Variants in OSBPL9 observed in about 807,000 individuals in gnomAD.
OSBPL9 encodes oxysterol binding protein like 9.
Under a neutral mutation model 106.6 loss-of-function variants are expected in OSBPL9, and 40 were observed. The observed-to-expected ratio is 0.38, with a 90% CI of 0.29 to 0.49. The LOEUF (loss-of-function observed/expected upper bound fraction) is 0.49. Ranked by LOEUF, OSBPL9 falls within the 20% of genes least tolerant of loss-of-function variation. OSBPL9 has a pLI of 0.97. For missense variants in OSBPL9, 609 were observed against 887.2 expected (o/e 0.69, Z 3.98); for synonymous variants, 269 against 295.4 (o/e 0.91, Z 0.92).
At chr1:51,644,078 TAAAAA>T (rs968921768) in intron 1 of OSBPL9, among the ~76,000 whole-genome samples, 4 of 43,246 alleles carry the variant, frequency 9.2e-5, no homozygotes, top group African/African-American at 2.0e-4. Context: ...AGACCTTGTC[TAAAAA>T]AAAAAAAAAA....
At chr1:51,583,892 C>A (rs575423186) in intron 1 of OSBPL9, 4 of 152,342 alleles carry the variant, frequency 2.6e-5, no homozygotes, top group East Asian at 3.9e-4. Context: ...ACTCCTACAT[C>A]ATTCAGTCCC....
At chr1:51,579,436 A>G (rs1352764375) in intron 1 of OSBPL9, among the ~76,000 whole-genome samples, 2 of 152,250 alleles carry the variant, frequency 1.3e-5, no homozygotes, top group East Asian at 3.8e-4. Flanking sequence ...GATTAGATCC[A>G]TTAGAAATGC....
chr1:51,662,655 A>G (rs1458543034), intron 2 of OSBPL9, among the ~76,000 whole-genome samples: 1 of 152,210 alleles, frequency 6.6e-6, no homozygotes, highest in Admixed American at 6.5e-5. Context: ...TGGAAAATCC[A>G]AAAGAATCTA....
intron 4 of OSBPL9, among the ~76,000 whole-genome samples, chr1:51,728,323 T>C (rs1168753006): frequency 6.6e-6 from 1 of 152,128 alleles, no homozygotes; most frequent in South Asian, 2.1e-4. Context: ...GTAGCCAGAG[T>C]AGATTCAAGA....
chr1:51,657,802 A>G (rs959651095), intron 2 of OSBPL9, among the ~76,000 whole-genome samples: 25 of 152,194 alleles, frequency 1.6e-4, no homozygotes, highest in Admixed American at 1.3e-3. Flanking sequence ...TGACAACATT[A>G]AAGAGGCAGT....
At chr1:51,787,040 TG>T (rs1677814204) in intron 22 of OSBPL9, among the ~76,000 whole-genome samples, 1 of 152,212 alleles carries the variant, frequency 6.6e-6, no homozygotes, top group African/African-American at 2.4e-5. Context: ...GTAAACTGAT[TG>T]ACCCAGAGTT....
At chr1:51,531,640 G>C in the OSBPL9 span, among the ~76,000 whole-genome samples, 1 of 152,190 alleles carries the variant, frequency 6.6e-6, no homozygotes, top group Non-Finnish European at 1.5e-5. Context: ...TTTGGCCTTT[G>C]ACTAAATTTG....
At chr1:51,779,439 A>T (rs1285964879) in intron 15 of OSBPL9, among the ~76,000 whole-genome samples, 1 of 152,250 alleles carries the variant, frequency 6.6e-6, no homozygotes, top group Admixed American at 6.5e-5. Flanking sequence ...ACCTAAAATC[A>T]TAAAAATTCT....
chr1:51,769,624 A>G (rs1673402199), intron 12 of OSBPL9, among the ~76,000 whole-genome samples: 1 of 152,242 alleles, frequency 6.6e-6, no homozygotes, highest in Admixed American at 6.5e-5. Flanking sequence ...TTTATGCCTA[A>G]ATTCTAGACA....
chr1:51,662,527 T>G (rs72898012), intron 2 of OSBPL9, among the ~76,000 whole-genome samples: 4,608 of 152,192 alleles, frequency 0.03, 137 homozygotes, highest in Middle Eastern at 0.089. Flanking sequence ...TTCTACCCGA[T>G]GGCTGCTTTT....
intron 2 of OSBPL9, among the ~76,000 whole-genome samples, chr1:51,609,045 C>G (rs1643967949): frequency 1.3e-5 from 2 of 152,024 alleles, no homozygotes; most frequent in Non-Finnish European, 2.9e-5. Context: ...CTATGACCTC[C>G]CCTTCCCCCT....
At chr1:51,630,907 A>C (rs1214122445) in intron 1 of OSBPL9, among the ~76,000 whole-genome samples, 1 of 152,086 alleles carries the variant, frequency 6.6e-6, no homozygotes, top group Non-Finnish European at 1.5e-5. Context: ...TCTATTTATA[A>C]GTTTTCTTAT....
intron 4 of OSBPL9, among the ~76,000 whole-genome samples, chr1:51,739,107 C>A (rs564683165): frequency 6.6e-6 from 1 of 152,140 alleles, no homozygotes; most frequent in East Asian, 1.9e-4. Context: ...AAGCTGTGCT[C>A]GTTTCCACTA....
intron 3 of OSBPL9, among the ~76,000 whole-genome samples, chr1:51,710,629 A>T (rs1380077091): frequency 6.6e-6 from 1 of 152,170 alleles, no homozygotes; most frequent in African/African-American, 2.4e-5. Flanking sequence ...TTCATAAAGG[A>T]TATATTTCAG....
chr1:51,698,470 G>GTATGTACACA (rs60020026), intron 3 of OSBPL9, among the ~76,000 whole-genome samples: 3 of 152,060 alleles, frequency 2.0e-5, no homozygotes, highest in East Asian at 1.9e-4. Flanking sequence ...ATGTATATGT[G>GTATGTACACA]TATGTACACA....
chr1:51,692,432 C>G (rs113556540), intron 3 of OSBPL9, among the ~76,000 whole-genome samples: 190 of 152,144 alleles, frequency 1.2e-3, no homozygotes, highest in Non-Finnish European at 2.3e-3. Context: ...CTGTACATGC[C>G]ATACTTTTTT....
intron 4 of OSBPL9, among the ~76,000 whole-genome samples, chr1:51,726,428 C>T (rs1013917084): frequency 2.0e-5 from 3 of 151,604 alleles, no homozygotes; most frequent in Admixed American, 6.6e-5. Context: ...TTTTTTTCTT[C>T]CATTGCTACC....
intron 1 of OSBPL9, among the ~76,000 whole-genome samples, chr1:51,645,060 G>T (rs1273380669): frequency 6.6e-6 from 1 of 152,184 alleles, no homozygotes; most frequent in Non-Finnish European, 1.5e-5. Flanking sequence ...TCGCTCACTT[G>T]TACTCTTTGC....
intron 2 of OSBPL9, among the ~76,000 whole-genome samples, chr1:51,602,816 C>T (rs903902481): frequency 4.6e-5 from 7 of 152,132 alleles, no homozygotes; most frequent in African/African-American, 1.7e-4. Flanking sequence ...CAAGGACTAG[C>T]ATGCAGTGGG....
Sources: gnomAD v4.1 joint callset for allele counts (sites outside exome capture counted in the v4.1 genomes callset) on GRCh38, gnomAD v4.1.1 for gene constraint, MANE v1.5 for transcripts, NCBI Gene and HGNC (gene_info 2026-07-23, HGNC 2026-07-21) for gene names.